USP12: variants seen among roughly 807,000 people sequenced by gnomAD.
The protein encoded by USP12 is ubiquitin carboxyl-terminal hydrolase 12.
In USP12, 19 loss-of-function variants were observed where a neutral mutation model predicts 45.5. That is an observed-to-expected ratio of 0.42 (90% CI 0.29 to 0.61). USP12 has a LOEUF of 0.61. Among genes scored for constraint, USP12 ranks in the 20% least tolerant of loss-of-function variants. The pLI is 0.22. For synonymous variants in USP12, 149 were observed against 148.8 expected (o/e 1.00, Z -0.01); for missense variants, 242 against 447.7 (o/e 0.54, Z 4.15).
chr13:27,152,896 C>A (rs938395540), intron 1 of USP12, among the ~76,000 whole-genome samples: 3 of 143,814 alleles, frequency 2.1e-5, no homozygotes, highest in African/African-American at 7.9e-5. Flanking sequence ...GAGTGGATAT[C>A]GCACCACTGC....
At position 27,171,661 on chromosome 13, in the gene USP12, C is replaced by A. The variant is rs1316991993; in HGVS notation, c.-22G>T. On this transcript the variant is annotated 5_prime_UTR_variant, in exon 1 of 9. Coordinates refer to ENST00000282344, the MANE Select transcript of USP12 (RefSeq NM_182488.4). ...CCATCCGGCCAGCGCCATCTTCCAC[C>A]CAATCACAGCGGCGGCGGCGGGCGG... The A allele has an allele frequency of 4.1e-5, 52 of 1,272,894 alleles. No homozygotes were observed. Among genetic ancestry groups the A allele is most frequent in the Non-Finnish European group, 5.1e-5 (50 of 977,508 alleles). The allele number at this position is 1,272,894 out of a possible 1,614,324, so 78.8% of individuals were successfully genotyped here. A position where few individuals can be genotyped will look rare whatever the true frequency, so the allele number is the denominator to read the frequency against.
intron 3 of USP12, among the ~76,000 whole-genome samples, chr13:27,103,607 A>AAAAATAATAATAATAAT (rs372985958): frequency 7.8e-6 from 1 of 128,520 alleles, no homozygotes; most frequent in African/African-American, 2.9e-5. Context: ...TCAAAAAAAA[A>AAAAATAATAATAATAAT]AATAATAATA....
At chr13:27,074,172 G>A (rs374932855) in intron 7 of USP12, among the ~76,000 whole-genome samples, 3 of 152,092 alleles carry the variant, frequency 2.0e-5, no homozygotes, top group Non-Finnish European at 4.4e-5. Context: ...AGGCCGAGGC[G>A]GGCAGATCAC....
intron 8 of USP12, among the ~76,000 whole-genome samples, chr13:27,069,614 A>G (rs1233620079): frequency 6.6e-6 from 1 of 152,228 alleles, no homozygotes; most frequent in Non-Finnish European, 1.5e-5. Context: ...TACAGGATGA[A>G]TTATATGAAA....
rs572920716 is a variant in USP12, at chr13:27,157,627, A to T, written c.48+13965T>A. ...TGAGGACAAAATTACTGAAACATTA[A>T]ATCATGTAAGTAATTTTAATCACTT... On this transcript the variant is annotated intron_variant, in intron 1 of 8. Transcript: ENST00000282344. Among the ~76,000 whole-genome samples the T allele has an allele frequency of 1.3e-4, 20 of 152,314 alleles. 1 individual carries two copies. The South Asian group carries it at 3.5e-3, about 27-fold the overall frequency.
chr13:27,131,104 T>G lies in USP12; in HGVS notation c.49-14508A>C, dbSNP rs191249527. Among the ~76,000 whole-genome samples the G allele has an allele frequency of 2.6e-3, 398 of 152,336 alleles. 2 individuals are homozygous for G. The highest frequency in any genetic ancestry group is 6.6e-3 in the South Asian group (32 of 4,828). On this transcript the variant is annotated intron_variant, in intron 1 of 8. Coordinates refer to ENST00000282344, the MANE Select transcript of USP12 (RefSeq NM_182488.4). ...TTCATTTTTTAAAATAAGCACAGAT[T>G]TACATATGTTAAACACAATTTGAAT...
rs940605240 is a variant in USP12 at position 27,068,165 on chromosome 13, A to G, written c.*1118T>C. On this transcript the variant is annotated 3_prime_UTR_variant, in exon 9 of 9. Transcript: ENST00000282344. Reference sequence around the variant, plus strand: ...CCAGGGTAAAAAATGGCATCTGAAAATAACATAAATGCTATGACATGATTT... The same window carrying G: ...CCAGGGTAAAAAATGGCATCTGAAAGTAACATAAATGCTATGACATGATTT... 6.6e-6 allele frequency: 1 copy of G among 152,556 alleles called. No homozygotes were observed. The highest frequency in any genetic ancestry group is 2.4e-5 in the African/African-American group (1 of 41,456). 9.5% of individuals were successfully genotyped at this position (152,556 alleles called of 1,614,324 possible).
At chr13:27,168,566 T>G (rs906455982) in intron 1 of USP12, among the ~76,000 whole-genome samples, 1 of 152,198 alleles carries the variant, frequency 6.6e-6, no homozygotes, top group Non-Finnish European at 1.5e-5. Context: ...GGCCCTGAAG[T>G]CTGAAACTAC....
rs1873048013 is a variant in USP12 at position 27,067,426 on chromosome 13, TA to T, written c.*1856del. The T allele has an allele frequency of 6.6e-6, 1 of 152,218 alleles. No homozygotes were observed. Among genetic ancestry groups the T allele is most frequent in the South Asian group, 2.1e-4 (1 of 4,834 alleles). 9.4% of individuals were successfully genotyped at this position (152,218 alleles called of 1,614,324 possible). A position where few individuals can be genotyped will look rare whatever the true frequency, so the allele number is the denominator to read the frequency against. ...GGCATGTTGGTAGATCAGGCTGGCT[TA>T]TATATAATTTGTACAAAACACCTCT... On this transcript the variant is annotated 3_prime_UTR_variant, in exon 9 of 9. Coordinates refer to ENST00000282344, the MANE Select transcript of USP12 (RefSeq NM_182488.4).
intron 2 of USP12, 98 bp from the exon 3 acceptor site, chr13:27,106,042 C>G: frequency 1.0e-6 from 1 of 985,132 alleles, no homozygotes; most frequent in Non-Finnish European, 1.5e-6. Context: ...AGATGACAAT[C>G]GGTTACTACT....
intron 1 of USP12, among the ~76,000 whole-genome samples, chr13:27,142,735 ATGAC>A (rs1877122521): frequency 6.6e-6 from 1 of 152,214 alleles, no homozygotes; most frequent in Non-Finnish European, 1.5e-5. Flanking sequence ...ACCAAAAAGA[ATGAC>A]TGTAATTTAT....
rs55974838 is a variant in USP12 at position 27,075,961 on chromosome 13, C to A, written c.735-573G>T. ...AGGAGAATCGCTTGAACCCAGGAGG[C>A]GGAGGTTGCAGTGAGCTGAGATCAC... On this transcript the variant is annotated intron_variant, in intron 6 of 8. Coordinates refer to ENST00000282344, the MANE Select transcript of USP12 (RefSeq NM_182488.4). Among the ~76,000 whole-genome samples, 5 of 142,148 alleles carry A rather than the reference C, an allele frequency of 3.5e-5. No individual in the cohort carries two copies. In the South Asian group the frequency reaches 1.1e-3, roughly 32 times the overall value. 93.3% of individuals were successfully genotyped at this position (142,148 alleles called of 152,430 possible). A position where few individuals can be genotyped will look rare whatever the true frequency, so the allele number is the denominator to read the frequency against.
chr13:27,085,969 G>A (rs148525205), intron 6 of USP12, among the ~76,000 whole-genome samples: 226 of 151,806 alleles, frequency 1.5e-3, no homozygotes, highest in African/African-American at 5.2e-3. Flanking sequence ...AGATCTAGAT[G>A]AGCCTAGGCA....
intron 2 of USP12, among the ~76,000 whole-genome samples, chr13:27,115,812 C>A (rs1464946545): frequency 6.6e-6 from 1 of 152,168 alleles, no homozygotes; most frequent in Admixed American, 6.5e-5. Flanking sequence ...TTGTCAAATA[C>A]CCCACAGACA....
At chr13:27,091,861 T>C (rs1229768743) in intron 4 of USP12, among the ~76,000 whole-genome samples, 1 of 152,190 alleles carries the variant, frequency 6.6e-6, no homozygotes, top group Non-Finnish European at 1.5e-5. Flanking sequence ...CATTACCAAT[T>C]GCATTTCTAA....
Position 27,105,811 on chromosome 13 carries a change from A to T in USP12, c.263T>A (p.Phe88Tyr). The change falls in exon 3 of 9, where the codon TTC becomes TAC. Residue 88 changes from phenylalanine to tyrosine, a missense_variant. By Grantham distance (22) the Phe-to-Tyr change is conservative (BLOSUM62 3). This residue lies in a region of USP12 where 77 missense variants were observed against 153.7 expected (regional missense o/e 0.50). Coordinates refer to ENST00000282344, the MANE Select transcript of USP12 (RefSeq NM_182488.4). ...ESLLTCLADL[F>Y]HSIATQKKKV... ...TTTCTTCTGAGTGGCTATGCTATGG[A>T]AGAGATCTGCTAAGCATGTAAGAAG... 6.2e-7 allele frequency: 1 copy of T among 1,613,872 alleles called. No individual in the cohort carries two copies. The highest frequency in any genetic ancestry group is 8.5e-7 in the Non-Finnish European group (1 of 1,179,810).
chr13:27,074,395 A>T (rs569992121), intron 7 of USP12, among the ~76,000 whole-genome samples: 1 of 151,946 alleles, frequency 6.6e-6, no homozygotes, highest in African/African-American at 2.4e-5. Context: ...GCAAGACTCC[A>T]TCTCAAAAAG....
At chr13:27,134,514 G>A (rs1294178150) in intron 1 of USP12, among the ~76,000 whole-genome samples, 1 of 152,042 alleles carries the variant, frequency 6.6e-6, no homozygotes, top group African/African-American at 2.4e-5. Flanking sequence ...GAAAAGAGAA[G>A]AGTTACTTTC....
At chr13:27,103,616 T>TAATAAC (rs1874982824) in intron 3 of USP12, among the ~76,000 whole-genome samples, 1 of 119,848 alleles carries the variant, frequency 8.3e-6, no homozygotes, top group Non-Finnish European at 1.9e-5. Context: ...AAAATAATAA[T>TAATAAC]AATAATAATA....
Sources: gnomAD v4.1 joint callset for allele counts (sites outside exome capture counted in the v4.1 genomes callset) on GRCh38, gnomAD v4.1.1 for gene constraint, gnomAD v4.1.1 regional missense constraint, MANE v1.5 for transcripts, NCBI Gene and HGNC (gene_info 2026-07-23, HGNC 2026-07-21) for gene names.